DDX39A: variants seen among roughly 807,000 people sequenced by gnomAD.
DDX39A encodes DExD-box helicase 39A.
DDX39A carries 13 observed loss-of-function variants against 46.3 expected under a neutral mutation model. The observed-to-expected ratio is 0.28, with a 90% confidence interval of 0.18 to 0.45. The LOEUF (loss-of-function observed/expected upper bound fraction) is 0.45, where lower values mean the gene tolerates loss of function less well. DDX39A is among the 20% of genes least tolerant of loss of function. The pLI, the probability that DDX39A is intolerant of heterozygous loss-of-function variation, is 1.00. For synonymous variants in DDX39A, 234 were observed against 224.6 expected (o/e 1.04, Z -0.38); for missense variants, 352 against 581.8 (o/e 0.61, Z 4.06).
In DDX39A at chr19:14,409,849, C is replaced by T; in HGVS notation, c.757G>A (p.Glu253Lys). 2 of 1,614,014 alleles carry T rather than the reference C, an allele frequency of 1.2e-6. No individual in the cohort carries two copies. The highest frequency in any genetic ancestry group is 1.7e-6 in the Non-Finnish European group (2 of 1,180,018). Residue 253 changes from glutamate to lysine, a missense_variant, in exon 7 of 11, where the codon GAG becomes AAG. Around this residue, in one of 3 missense-constraint regions of DDX39A, gnomAD observed 301 missense variants for 469.9 expected, o/e 0.64. Coordinates refer to ENST00000242776, the MANE Select transcript of DDX39A (RefSeq NM_005804.4). The surrounding 1 kb of genome is among the most constrained non-coding windows in gnomAD (Gnocchi z 8.3). ...QDPMEVFVDD[E>K]TKLTLHGLQQ... ...AGGCCGTGCAGCGTGAGCTTGGTCTCGTCGTCCACAAACACCTCCATGGGC... is the reference window on the plus strand; with the variant it reads ...AGGCCGTGCAGCGTGAGCTTGGTCTTGTCGTCCACAAACACCTCCATGGGC...
chr19:14,408,870 C>T lies in DDX39A; in HGVS notation c.*66G>A, dbSNP rs1246880692. The T allele has an allele frequency of 3.0e-5, 46 of 1,526,680 alleles. No homozygotes were observed. Among genetic ancestry groups the T allele is most frequent in the South Asian group, 2.5e-4 (19 of 76,816 alleles). 94.6% of individuals were successfully genotyped at this position (1,526,680 alleles called of 1,614,324 possible). ...ACAATCTCTAGCTTCTCAACAGTGG[C>T]GCCTGGAAAGGGGAGGTGAAGCTGC... is the stretch of plus-strand genomic sequence containing the variant. On this transcript the variant is annotated 3_prime_UTR_variant, in exon 11 of 11. Coordinates refer to ENST00000242776, the MANE Select transcript of DDX39A (RefSeq NM_005804.4).
rs746717783 is a variant in DDX39A at position 14,409,136 on chromosome 19, C to T, written c.1168G>A (p.Val390Met). The T allele has an allele frequency of 1.2e-6, 2 of 1,614,192 alleles. No individual in the cohort carries two copies. The highest frequency in any genetic ancestry group is 2.2e-5 in the South Asian group (2 of 91,082). The change falls in exon 10 of 11, where the codon GTG becomes ATG. Residue 390 changes from valine (V) to methionine (M), a missense_variant. This residue lies in a region of DDX39A where 301 missense variants were observed against 469.9 expected (regional missense o/e 0.64). Transcript: ENST00000242776. The surrounding 1 kb of genome is among the most constrained non-coding windows in gnomAD (Gnocchi z 8.3). The part of the protein sequence containing the change: ...FGTKGLAITF[V>M]SDENDAKILN... ...ATTTTGGCATCATTCTCGTCAGACA[C>T]AAAAGTGATGGCTAGGCCTTTGGTG...
Position 14,412,695 on chromosome 19 carries a change from G to A in DDX39A, c.209-17C>T, listed in dbSNP as rs748994570. 8 of 1,593,384 alleles carry A rather than the reference G, an allele frequency of 5.0e-6. No individual in the cohort carries two copies. The highest frequency in any genetic ancestry group is 6.8e-6 in the Non-Finnish European group (8 of 1,173,758). ...CATGCTGGACTGCAGGAGAAGCAGA[G>A]CGTGAGGGACGAGAACCTGGATGCA... On this transcript the variant is annotated splice_polypyrimidine_tract_variant and intron_variant, in intron 2 of 10. Transcript: ENST00000242776. This position sits in a 1 kb window ranked among gnomAD's most constrained non-coding sequence, Gnocchi z 4.4.
chr19:14,414,933 G>A (rs1976744772), intron 1 of DDX39A, among the ~76,000 whole-genome samples: 2 of 120,340 alleles, frequency 1.7e-5, no homozygotes, highest in African/African-American at 3.5e-5. Flanking sequence ...CTTCACTCCA[G>A]CCTAAAAAAA....
chr19:14,409,477 G>A lies in DDX39A; in HGVS notation c.975-30C>T, dbSNP rs754934920. On this transcript the variant is annotated intron_variant, in intron 8 of 10. Transcript: ENST00000242776. This position sits in a 1 kb window ranked among gnomAD's most constrained non-coding sequence, Gnocchi z 8.3. ...GGTGCAGGAGAAACAAGTGGAGGCCGTCAGACACTGGGCTCCTGGTGGTGC... is the reference window on the plus strand; with the variant it reads ...GGTGCAGGAGAAACAAGTGGAGGCCATCAGACACTGGGCTCCTGGTGGTGC... 3.2e-5 allele frequency: 51 copies of A among 1,612,406 alleles called. No homozygotes were observed. Among genetic ancestry groups the A allele is most frequent in the South Asian group, 2.7e-4 (25 of 91,080 alleles).
chr19:14,410,858 G>T lies in DDX39A; in HGVS notation c.613+131C>A. 3.5e-6 allele frequency: 3 copies of T among 858,680 alleles called. No homozygotes were observed. The highest frequency in any genetic ancestry group is 2.0e-5 in the South Asian group (1 of 50,808). The allele number at this position is 858,680 out of a possible 1,614,324, so 53.2% of individuals were successfully genotyped here. On this transcript the variant is annotated intron_variant, in intron 5 of 10. Transcript: ENST00000242776. This position sits in a 1 kb window ranked among gnomAD's most constrained non-coding sequence, Gnocchi z 4.3. ...AGCACATCCCTCTGCCAGCAGCAGA[G>T]CTTTCCCCAAGATCACCACAGGAGC...
rs199986348 is a variant in DDX39A, at chr19:14,409,190, G to C, written c.1120-6C>G. On this transcript the variant is annotated splice_region_variant and splice_polypyrimidine_tract_variant and intron_variant, in intron 9 of 10. Coordinates refer to ENST00000242776, the MANE Select transcript of DDX39A (RefSeq NM_005804.4). The surrounding 1 kb of genome is among the most constrained non-coding windows in gnomAD (Gnocchi z 8.3). The stretch of plus-strand genomic sequence containing the variant: ...AAGCGACCCGCCCGGGCCACCTGCA[G>C]GCAGACAGGATCAGGGTCAGGCCAC... The C allele has an allele frequency of 6.2e-7, 1 of 1,614,088 alleles. No homozygotes were observed. The highest frequency in any genetic ancestry group is 2.2e-5 in the East Asian group (1 of 44,906).
In DDX39A at chr19:14,409,327, C is replaced by T. The variant is rs1976452871; in HGVS notation, c.1095G>A (p.Glu365=). 1.9e-6 allele frequency: 3 copies of T among 1,614,224 alleles called. No individual in the cohort carries two copies. ...VNIVFNYDMP[E]DSDTYLHRVA... ...CCCGGTGCAGGTAGGTGTCCGAGTC[C>T]TCAGGCATGTCGTAGTTAAAGACGA... The change falls in exon 9 of 11, where the codon GAG becomes GAA. Residue 365 remains glutamate (E), a synonymous_variant. Coordinates refer to ENST00000242776, the MANE Select transcript of DDX39A (RefSeq NM_005804.4). This position sits in a 1 kb window ranked among gnomAD's most constrained non-coding sequence, Gnocchi z 8.3.
chr19:14,419,232 C>T (rs1421528255), intron 1 of DDX39A, 38 bp downstream of exon 1: 2 of 271,758 alleles, frequency 7.4e-6, no homozygotes, highest in African/African-American at 4.7e-5. Context: ...TTCAGACGTC[C>T]CCACACCGCG....
chr19:14,411,570 C>G lies in DDX39A; in HGVS notation c.365G>C (p.Arg122Thr). The G allele has an allele frequency of 6.2e-7, 1 of 1,614,158 alleles. No homozygotes were observed. The highest frequency in any genetic ancestry group is 8.5e-7 in the Non-Finnish European group (1 of 1,180,026). The change falls in exon 4 of 11, where the codon AGG becomes ACG. Residue 122 changes from arginine to threonine, a missense_variant. Arg to Thr is a moderately conservative substitution (Grantham distance 71, BLOSUM62 -1). Coordinates refer to ENST00000242776, the MANE Select transcript of DDX39A (RefSeq NM_005804.4). The surrounding 1 kb of genome is among the most constrained non-coding windows in gnomAD (Gnocchi z 4.1). ...CTTGCTGATCTGGAAGGCCAGCTCCCTCGTGTGGCACATGACCAGGACCGT... is the reference window on the plus strand; with the variant it reads ...CTTGCTGATCTGGAAGGCCAGCTCCGTCGTGTGGCACATGACCAGGACCGT... ...QVTVLVMCHT[R>T]ELAFQISKEY... is the part of the protein sequence containing the mutation.
At chr19:14,416,223 C>T (rs1199180171) in intron 1 of DDX39A, 1 of 152,468 alleles carries the variant, frequency 6.6e-6, no homozygotes, top group African/African-American at 2.4e-5. Flanking sequence ...CTCATCTCCC[C>T]CATTGCCCCT....
In DDX39A at chr19:14,412,751, G is replaced by A. The variant is rs1015553447; in HGVS notation, c.209-73C>T. 1 of 1,535,240 alleles carries A rather than the reference G, an allele frequency of 6.5e-7. No individual in the cohort carries two copies. Among genetic ancestry groups the A allele is most frequent in the Non-Finnish European group, 8.7e-7 (1 of 1,144,202 alleles). On this transcript the variant is annotated intron_variant, in intron 2 of 10. Transcript: ENST00000242776. This position sits in a 1 kb window ranked among gnomAD's most constrained non-coding sequence, Gnocchi z 4.4. ...GTGCAGGATCCTCACCAGTTGACCG[G>A]GGGCCCACAGTGAGGGCAATCAGAA...
Position 14,412,815 on chromosome 19 carries a change from C to G in DDX39A, c.209-137G>C. On this transcript the variant is annotated intron_variant, in intron 2 of 10. Coordinates refer to ENST00000242776, the MANE Select transcript of DDX39A (RefSeq NM_005804.4). This position sits in a 1 kb window ranked among gnomAD's most constrained non-coding sequence, Gnocchi z 4.4. ...GACAAGGCCACAGACACCTGCAGGGCTGGGGTATCCGCCTGGTCAAAGCAG... is the reference window on the plus strand; with the variant it reads ...GACAAGGCCACAGACACCTGCAGGGGTGGGGTATCCGCCTGGTCAAAGCAG... 7.5e-7 allele frequency: 1 copy of G among 1,334,102 alleles called. No individual in the cohort carries two copies. Among genetic ancestry groups the G allele is most frequent in the Non-Finnish European group, 1.0e-6 (1 of 986,090 alleles). The allele number at this position is 1,334,102 out of a possible 1,614,324, so 82.6% of individuals were successfully genotyped here. A position where few individuals can be genotyped will look rare whatever the true frequency, so the allele number is the denominator to read the frequency against.
Position 14,409,898 on chromosome 19 carries a change from G to A in DDX39A, c.733-25C>T, listed in dbSNP as rs750453454. 7.4e-6 allele frequency: 12 copies of A among 1,612,578 alleles called. No individual in the cohort carries two copies. In the South Asian group the frequency reaches 1.1e-4, roughly 15 times the overall value. ...GCTGTGTGGGAAGGGAGGTGGGAGGGGCGGGCAGGGATCACCTCTGGGCAT... is the reference window on the plus strand; with the variant it reads ...GCTGTGTGGGAAGGGAGGTGGGAGGAGCGGGCAGGGATCACCTCTGGGCAT... On this transcript the variant is annotated intron_variant, in intron 6 of 10. Transcript: ENST00000242776. This position sits in a 1 kb window ranked among gnomAD's most constrained non-coding sequence, Gnocchi z 8.3.
In DDX39A at chr19:14,412,713, T is replaced by C. The variant is rs1489746406; in HGVS notation, c.209-35A>G. 1.4e-5 allele frequency: 22 copies of C among 1,579,342 alleles called. No individual in the cohort carries two copies. The South Asian group carries it at 2.5e-4, about 18-fold the overall frequency. On this transcript the variant is annotated intron_variant, in intron 2 of 10. Transcript: ENST00000242776. The surrounding 1 kb of genome is among the most constrained non-coding windows in gnomAD (Gnocchi z 4.4). ...AAGCAGAGCGTGAGGGACGAGAACC[T>C]GGATGCACCCCCGTGCAGGATCCTC... is the stretch of plus-strand genomic sequence containing the variant.
Position 14,418,825 on chromosome 19 carries a change from A to C in DDX39A, c.-5+445T>G, listed in dbSNP as rs1028273825. ...CGAATCCCGTAAAAAGTAGACCAAG[A>C]AGAAGGTAGACTGGGAAAGGGATCA... On this transcript the variant is annotated intron_variant, in intron 1 of 10. Transcript: ENST00000242776. 3 of 432,870 alleles carry C rather than the reference A, an allele frequency of 6.9e-6. No homozygotes were observed. In the East Asian group the frequency reaches 2.1e-4, roughly 31 times the overall value. 26.8% of individuals were successfully genotyped at this position (432,870 alleles called of 1,614,324 possible). A position where few individuals can be genotyped will look rare whatever the true frequency, so the allele number is the denominator to read the frequency against.
At position 14,410,672 on chromosome 19, in the gene DDX39A, C is replaced by T; in HGVS notation, c.613+317G>A. On this transcript the variant is annotated intron_variant, in intron 5 of 10. Coordinates refer to ENST00000242776, the MANE Select transcript of DDX39A (RefSeq NM_005804.4). This position sits in a 1 kb window ranked among gnomAD's most constrained non-coding sequence, Gnocchi z 4.3. Reference sequence around the variant, plus strand: ...TCCCAGGACACAAGCCCATCTCCCACCGGCCCTGTCGGGGCTCACTGAGGG... The same window carrying T: ...TCCCAGGACACAAGCCCATCTCCCATCGGCCCTGTCGGGGCTCACTGAGGG... The T allele has an allele frequency of 1.9e-6, 1 of 516,638 alleles. No homozygotes were observed. The highest frequency in any genetic ancestry group is 3.4e-5 in the East Asian group (1 of 29,476). 32.0% of individuals were successfully genotyped at this position (516,638 alleles called of 1,614,324 possible).
rs996969922 is a variant in DDX39A at position 14,412,741 on chromosome 19, C to T, written c.209-63G>A. The T allele has an allele frequency of 1.9e-6, 3 of 1,546,048 alleles. No homozygotes were observed. Among genetic ancestry groups the T allele is most frequent in the Non-Finnish European group, 2.6e-6 (3 of 1,150,276 alleles). On this transcript the variant is annotated intron_variant, in intron 2 of 10. Coordinates refer to ENST00000242776, the MANE Select transcript of DDX39A (RefSeq NM_005804.4). This position sits in a 1 kb window ranked among gnomAD's most constrained non-coding sequence, Gnocchi z 4.4. ...ATGCACCCCCGTGCAGGATCCTCAC[C>T]AGTTGACCGGGGGCCCACAGTGAGG... is the stretch of plus-strand genomic sequence containing the variant.
At chr19:14,417,137 AAG>A (rs1976840880) in intron 1 of DDX39A, among the ~76,000 whole-genome samples, 1 of 152,146 alleles carries the variant, frequency 6.6e-6, no homozygotes, top group Admixed American at 6.6e-5. Flanking sequence ...CACCAAATAA[AAG>A]AGAAGTAACC....
Sources: gnomAD v4.1 joint callset for allele counts (sites outside exome capture counted in the v4.1 genomes callset) on GRCh38, gnomAD v4.1.1 for gene constraint, gnomAD v4.1.1 regional missense constraint, Gnocchi (gnomAD v3.1) non-coding constraint, MANE v1.5 for transcripts, NCBI Gene and HGNC (gene_info 2026-07-23, HGNC 2026-07-21) for gene names.